DUSP16: variants seen among roughly 807,000 people sequenced by gnomAD.
The protein encoded by DUSP16 is dual specificity protein phosphatase 16.
DUSP16 carries 21 observed loss-of-function variants against 58.3 expected under a neutral mutation model. The ratio of observed to expected loss-of-function variants is 0.36; its 90% CI spans 0.26 to 0.52. The LOEUF is 0.52. Ranked by LOEUF, DUSP16 falls within the 20% of genes least tolerant of loss-of-function variation. The pLI, the probability that DUSP16 is intolerant of heterozygous loss-of-function variation, is 0.94. For synonymous variants in DUSP16, 320 were observed against 323.8 expected (o/e 0.99, Z 0.12); for missense variants, 726 against 819.0 (o/e 0.89, Z 1.39).
intron 5 of DUSP16, among the ~76,000 whole-genome samples, chr12:12,482,062 AC>A (rs1463920721): frequency 6.6e-6 from 1 of 152,080 alleles, no homozygotes. Context: ...ATTATTGAAA[AC>A]TGCTTCAAAT....
intron 1 of DUSP16, among the ~76,000 whole-genome samples, chr12:12,553,907 T>C (rs1944770341): frequency 6.6e-6 from 1 of 152,108 alleles, no homozygotes; most frequent in Non-Finnish European, 1.5e-5. Flanking sequence ...ATAGAAAATG[T>C]CAAGTGCAGG....
chr12:12,552,051 G>A (rs941867907), intron 1 of DUSP16, among the ~76,000 whole-genome samples: 1 of 152,078 alleles, frequency 6.6e-6, no homozygotes, highest in African/African-American at 2.4e-5. Context: ...ATCACACACA[G>A]GTCAAAGATC....
intron 1 of DUSP16, among the ~76,000 whole-genome samples, chr12:12,524,148 C>G (rs1173805844): frequency 6.6e-6 from 1 of 152,232 alleles, no homozygotes; most frequent in Non-Finnish European, 1.5e-5. Flanking sequence ...TTACAACAAA[C>G]AGTTCTACAG....
intron 3 of DUSP16, among the ~76,000 whole-genome samples, chr12:12,509,496 AC>A (rs774760682): frequency 6.6e-6 from 1 of 151,754 alleles, no homozygotes; most frequent in African/African-American, 2.4e-5. Flanking sequence ...AAAAAAAAAA[AC>A]AAACTTCCTT....
At chr12:12,480,410 T>C in intron 5 of DUSP16, 64 bp from the exon 6 acceptor site, 1 of 1,575,066 alleles carries the variant, frequency 6.3e-7, no homozygotes, top group East Asian at 2.3e-5. Context: ...AAATCTTGTT[T>C]CCATTTACTT....
intron 1 of DUSP16, among the ~76,000 whole-genome samples, chr12:12,533,076 G>A (rs1427942237): frequency 3.3e-5 from 5 of 152,050 alleles, no homozygotes; most frequent in Admixed American, 6.6e-5. Flanking sequence ...GAGGGGTGGG[G>A]GAAGTGAGAA....
rs556158805 is a variant in DUSP16, at chr12:12,533,915, G to A, written c.-365-12452C>T. 5.6e-4 allele frequency among the ~76,000 whole-genome samples: 85 copies of A among 152,336 alleles called. No individual in the cohort carries two copies. The South Asian group carries it at 0.017, about 30-fold the overall frequency. ...TTAGAACAAAAAGATATTGCTGTAA[G>A]TGTGCCTCAGTTCTCAGCAAAGTCT... is the stretch of plus-strand genomic sequence containing the variant. On this transcript the variant is annotated intron_variant, in intron 1 of 6. Coordinates refer to ENST00000298573, the MANE Select transcript of DUSP16 (RefSeq NM_030640.3).
intron 4 of DUSP16, among the ~76,000 whole-genome samples, chr12:12,491,776 G>C (rs1565987837): frequency 6.6e-6 from 1 of 152,104 alleles, no homozygotes; most frequent in African/African-American, 2.4e-5. Context: ...CCTGGTCTCT[G>C]TCATTACCAA....
At chr12:12,481,320 G>T (rs992268531) in intron 5 of DUSP16, among the ~76,000 whole-genome samples, 12 of 152,176 alleles carry the variant, frequency 7.9e-5, no homozygotes, top group African/African-American at 2.9e-4. Context: ...TGTGGCAGGG[G>T]ACGAGGTTAT....
intron 1 of DUSP16, among the ~76,000 whole-genome samples, chr12:12,534,856 T>A (rs898345017): frequency 4.6e-5 from 7 of 152,226 alleles, no homozygotes; most frequent in Admixed American, 3.3e-4. Context: ...ATTTTTCCAG[T>A]TTGGTGTTTC....
intron 1 of DUSP16, among the ~76,000 whole-genome samples, chr12:12,547,457 CAA>C (rs202208136): frequency 6.2e-5 from 5 of 80,400 alleles, no homozygotes; most frequent in Non-Finnish European, 4.9e-5. Context: ...CAAAAAAAAG[CAA>C]AAAAAAAAAA....
chr12:12,534,914 C>T (rs1049561141), intron 1 of DUSP16, among the ~76,000 whole-genome samples: 1 of 152,234 alleles, frequency 6.6e-6, no homozygotes, highest in Non-Finnish European at 1.5e-5. Context: ...CAATATTTTA[C>T]ATTTATATTA....
intron 5 of DUSP16, among the ~76,000 whole-genome samples, chr12:12,481,398 A>G (rs1943561903): frequency 1.3e-5 from 2 of 152,124 alleles, no homozygotes; most frequent in South Asian, 2.1e-4. Flanking sequence ...AAATAATTAC[A>G]TGTGTGCTCA....
intron 1 of DUSP16, among the ~76,000 whole-genome samples, chr12:12,538,682 T>C (rs61913556): frequency 4.6e-5 from 7 of 152,178 alleles, no homozygotes; most frequent in Non-Finnish European, 8.8e-5. Flanking sequence ...CAGCCTGCCA[T>C]GAAGTTACAG....
chr12:12,506,837 C>G (rs547111185), intron 3 of DUSP16, among the ~76,000 whole-genome samples: 8 of 152,212 alleles, frequency 5.3e-5, no homozygotes, highest in Non-Finnish European at 1.2e-4. Context: ...ATAAATCCAA[C>G]CAAAAGAATG....
chr12:12,518,908 T>C (rs1056463377), intron 3 of DUSP16, among the ~76,000 whole-genome samples: 1 of 152,208 alleles, frequency 6.6e-6, no homozygotes, highest in African/African-American at 2.4e-5. Context: ...ACTGGAGACA[T>C]GGAAATCTTA....
chr12:12,523,522 A>G (rs1190587605), intron 1 of DUSP16, among the ~76,000 whole-genome samples: 1 of 152,260 alleles, frequency 6.6e-6, no homozygotes, highest in Non-Finnish European at 1.5e-5. Flanking sequence ...TTTACAAACC[A>G]GCTCCATTTA....
At chr12:12,556,572 C>T (rs562080853) in intron 1 of DUSP16, among the ~76,000 whole-genome samples, 1 of 150,670 alleles carries the variant, frequency 6.6e-6, no homozygotes, top group African/African-American at 2.4e-5. Flanking sequence ...CAGACCCCAT[C>T]TTTAATTAAA....
intron 1 of DUSP16, among the ~76,000 whole-genome samples, chr12:12,538,761 G>C (rs1174362706): frequency 6.6e-6 from 1 of 152,188 alleles, no homozygotes; most frequent in Non-Finnish European, 1.5e-5. Flanking sequence ...TCTAGTGAAG[G>C]GGGAGGAACC....
Sources: allele counts gnomAD v4.1 joint callset (sites outside exome capture counted in the v4.1 genomes callset), GRCh38; gene constraint gnomAD v4.1.1; transcripts MANE v1.5; gene names NCBI Gene and HGNC (gene_info 2026-07-23, HGNC 2026-07-21).